The following SEM1 variants were observed in gnomAD, a reference collection of about 807,000 sequenced individuals.
SEM1 encodes the protein SEM1 26S proteasome subunit.
Under a neutral mutation model 12.7 loss-of-function variants are expected in SEM1, and 3 were observed. The observed-to-expected ratio is 0.24, with a 90% CI of 0.11 to 0.61. The LOEUF (loss-of-function observed/expected upper bound fraction) is 0.61. Ranked by LOEUF, SEM1 falls within the 20% of genes least tolerant of loss-of-function variation. SEM1 has a pLI of 0.88. For missense variants in SEM1, 59 were observed against 81.3 expected, an observed-to-expected ratio of 0.73 and a Z score of 1.06; for synonymous variants, 30 against 27.8, an observed-to-expected ratio of 1.08 and a Z score of -0.25.
intron 2 of SEM1, among the ~76,000 whole-genome samples, chr7:96,639,889 T>C (rs1316780633): frequency 6.6e-6 from 1 of 151,882 alleles, no homozygotes; most frequent in East Asian, 1.9e-4. Context: ...AACAACCTGA[T>C]TTGAAAATGA....
chr7:96,611,736 TC>T (rs1026714692), intron 2 of SEM1, among the ~76,000 whole-genome samples: 5 of 152,090 alleles, frequency 3.3e-5, no homozygotes, highest in African/African-American at 9.7e-5. Context: ...AATCACAGAA[TC>T]CCCTTTAAAG....
At chr7:96,587,247 C>T (rs202236550) in intron 2 of SEM1, among the ~76,000 whole-genome samples, 3 of 152,120 alleles carry the variant, frequency 2.0e-5, no homozygotes, top group African/African-American at 7.2e-5. Flanking sequence ...TTGTATTTCT[C>T]AAGTATATTT....
At chr7:96,526,042 A>G (rs1008599019) in intron 2 of SEM1, among the ~76,000 whole-genome samples, 7 of 152,068 alleles carry the variant, frequency 4.6e-5, no homozygotes, top group African/African-American at 1.7e-4. Context: ...TCATTTTAAA[A>G]TCTTTTTATC....
At chr7:96,693,658 G>A (rs1789995702) in intron 2 of SEM1, among the ~76,000 whole-genome samples, 2 of 151,930 alleles carry the variant, frequency 1.3e-5, no homozygotes, top group East Asian at 1.9e-4. Flanking sequence ...CTGCTAGTAC[G>A]AACGCTAGTG....
chr7:96,593,752 A>G (rs1806908433), intron 2 of SEM1, among the ~76,000 whole-genome samples: 1 of 152,230 alleles, frequency 6.6e-6, no homozygotes, highest in African/African-American at 2.4e-5. Context: ...TACCAAAATG[A>G]AAGAAGGTCG....
rs571665408 is a variant in SEM1 at position 96,492,392 on chromosome 7, A to G, written c.12+3892T>C. 5.9e-5 allele frequency among the ~76,000 whole-genome samples: 9 copies of G among 152,016 alleles called. No individual in the cohort carries two copies. The East Asian group carries it at 1.2e-3, about 20-fold the overall frequency. ...TGCCCTCAAGCTTCATCCATGTTTTAGCATGTATCAGGGCTTCATTCCTTT... is the reference window on the plus strand; with the variant it reads ...TGCCCTCAAGCTTCATCCATGTTTTGGCATGTATCAGGGCTTCATTCCTTT... On this transcript the variant is annotated intron_variant, in intron 1 of 3. Coordinates refer to the SEM1 transcript ENST00000356686.
At chr7:96,550,260 T>C (rs576426863) in intron 2 of SEM1, among the ~76,000 whole-genome samples, 2 of 152,276 alleles carry the variant, frequency 1.3e-5, no homozygotes, top group African/African-American at 2.4e-5. Flanking sequence ...ATGGTTATAA[T>C]TGAAAAAGGC....
intron 2 of SEM1, among the ~76,000 whole-genome samples, chr7:96,540,303 G>A (rs1219821607): frequency 2.0e-5 from 3 of 151,530 alleles, no homozygotes; most frequent in Non-Finnish European, 4.4e-5. Context: ...ACAATGTCGG[G>A]TTCACACAAT....
rs11983457 is a variant in SEM1 at position 96,633,670 on chromosome 7, C to T, written c.171-11027G>A. 3.6e-3 allele frequency among the ~76,000 whole-genome samples: 549 copies of T among 152,110 alleles called. 3 individuals carry two copies. The highest frequency in any genetic ancestry group is 0.012 in the African/African-American group (518 of 41,526). ...TGTCATTCTTAATATAGTAATCTAT[C>T]TAAAACCAGCATTTAACAACATAGT... On this transcript the variant is annotated intron_variant, in intron 2 of 2. Transcript: ENST00000417009.
At chr7:96,553,573 T>C (rs1458905810) in intron 2 of SEM1, among the ~76,000 whole-genome samples, 1 of 152,216 alleles carries the variant, frequency 6.6e-6, no homozygotes, top group East Asian at 1.9e-4. Flanking sequence ...TTGGTACCAG[T>C]ACCATGCTGT....
intron 1 of SEM1, among the ~76,000 whole-genome samples, chr7:96,701,905 T>C (rs749971536): frequency 2.6e-5 from 4 of 151,976 alleles, no homozygotes; most frequent in Non-Finnish European, 4.4e-5. Context: ...TAAGATGAGG[T>C]GTCTAAGCCC....
intron 2 of SEM1, among the ~76,000 whole-genome samples, chr7:96,679,194 C>A (rs2115676683): frequency 6.6e-6 from 1 of 152,160 alleles, no homozygotes; most frequent in Middle Eastern, 3.4e-3. Flanking sequence ...CATAAACACA[C>A]ATTGTCATCT....
chr7:96,567,823 T>A (rs1281678004), intron 2 of SEM1, among the ~76,000 whole-genome samples: 1 of 151,550 alleles, frequency 6.6e-6, no homozygotes, highest in Non-Finnish European at 1.5e-5. Flanking sequence ...TAATTTTTTG[T>A]CTTGGTTATG....
intron 2 of SEM1, among the ~76,000 whole-genome samples, chr7:96,608,731 A>G (rs1490062663): frequency 6.6e-6 from 1 of 152,234 alleles, no homozygotes; most frequent in Non-Finnish European, 1.5e-5. Flanking sequence ...AGGTTCATCC[A>G]TGCTGTAGCA....
At chr7:96,485,065 A>T (rs1242950865) in intron 2 of SEM1, among the ~76,000 whole-genome samples, 1 of 152,174 alleles carries the variant, frequency 6.6e-6, no homozygotes, top group Non-Finnish European at 1.5e-5. Context: ...GTTCAGCTCA[A>T]ACAAACTTTG....
chr7:96,540,669 T>C (rs888911464), intron 2 of SEM1, among the ~76,000 whole-genome samples: 9 of 151,842 alleles, frequency 5.9e-5, no homozygotes, highest in Non-Finnish European at 1.0e-4. Context: ...GTTTGTTACA[T>C]GGACATATTG....
chr7:96,496,048 C>T (rs1803236358), intron 1 of SEM1, among the ~76,000 whole-genome samples: 1 of 152,156 alleles, frequency 6.6e-6, no homozygotes, highest in African/African-American at 2.4e-5. Flanking sequence ...CTTCGAGATG[C>T]TGGTGTTGTT....
chr7:96,515,644 AGACT>A (rs1554409032), intron 2 of SEM1, among the ~76,000 whole-genome samples: 1 of 152,226 alleles, frequency 6.6e-6, no homozygotes, highest in Non-Finnish European at 1.5e-5. Flanking sequence ...CATCAATGAT[AGACT>A]GGATTAAGAA....
At chr7:96,616,776 C>T (rs1404885182) in intron 2 of SEM1, among the ~76,000 whole-genome samples, 1 of 152,046 alleles carries the variant, frequency 6.6e-6, no homozygotes, top group African/African-American at 2.4e-5. Flanking sequence ...GGCTATCCAA[C>T]TTTCCCAGCA....
Sources: gnomAD v4.1 joint callset for allele counts (sites outside exome capture counted in the v4.1 genomes callset) on GRCh38, gnomAD v4.1.1 for gene constraint, MANE v1.5 for transcripts, NCBI Gene and HGNC (gene_info 2026-07-23, HGNC 2026-07-21) for gene names.